Variants in ARHGEF18 observed in about 807,000 individuals in gnomAD.
ARHGEF18 encodes the protein rho guanine nucleotide exchange factor 18.
In ARHGEF18, 93 loss-of-function variants were observed where a neutral mutation model predicts 155.7. That is an observed-to-expected ratio of 0.60 (90% CI 0.50 to 0.71). The LOEUF (loss-of-function observed/expected upper bound fraction) is 0.71. Ranked by LOEUF, ARHGEF18 falls within the 30% of genes least tolerant of loss-of-function variation. The pLI is 0.00. For synonymous variants in ARHGEF18, 742 were observed against 753.1 expected (o/e 0.99, Z 0.24); for missense variants, 1,593 against 1,816.1 (o/e 0.88, Z 2.23).
intron 10 of ARHGEF18, among the ~76,000 whole-genome samples, chr19:7,414,584 G>T (rs1342346692): frequency 2.0e-5 from 3 of 152,042 alleles, no homozygotes; most frequent in Non-Finnish European, 4.4e-5. Context: ...GCTGAGGCAG[G>T]CGGATCACAA....
rs902391248 is a variant in ARHGEF18 at position 7,471,998 on chromosome 19, G to C, written c.*1700G>C. 1.3e-5 allele frequency: 2 copies of C among 150,976 alleles called. No homozygotes were observed. Among genetic ancestry groups the C allele is most frequent in the Non-Finnish European group, 2.9e-5 (2 of 67,896 alleles). 9.4% of individuals were successfully genotyped at this position (150,976 alleles called of 1,614,324 possible). A position where few individuals can be genotyped will look rare whatever the true frequency, so the allele number is the denominator to read the frequency against. ...GTTTTGTATTTTTGTACTGAGTATC[G>C]GAGCACTTTACAGAAGCTGACTGTA... is the stretch of plus-strand genomic sequence containing the variant. On this transcript the variant is annotated 3_prime_UTR_variant, in exon 29 of 29. Coordinates refer to ENST00000668164, the MANE Select transcript of ARHGEF18 (RefSeq NM_001367823.1). This position sits in a 1 kb window ranked among gnomAD's most constrained non-coding sequence, Gnocchi z 4.4.
chr19:7,449,829 C>T (rs561207261), intron 15 of ARHGEF18, among the ~76,000 whole-genome samples: 1 of 152,170 alleles, frequency 6.6e-6, no homozygotes, highest in African/African-American at 2.4e-5. Flanking sequence ...AGGAGTGTGC[C>T]ACCATGCCCA....
chr19:7,457,565 G>C (rs1357370130), intron 18 of ARHGEF18, among the ~76,000 whole-genome samples: 2 of 151,776 alleles, frequency 1.3e-5, no homozygotes, highest in Non-Finnish European at 2.9e-5. Flanking sequence ...GTTTCACCAT[G>C]TTGGCCAGGC....
intron 10 of ARHGEF18, among the ~76,000 whole-genome samples, chr19:7,417,580 C>G (rs1424542768): frequency 2.6e-5 from 4 of 152,086 alleles, no homozygotes; most frequent in African/African-American, 9.7e-5. Context: ...GCCTGTAATC[C>G]CAGCTACTCG....
At chr19:7,363,640 A>C (rs1313396283) in intron 2 of ARHGEF18, among the ~76,000 whole-genome samples, 1 of 151,446 alleles carries the variant, frequency 6.6e-6, no homozygotes, top group African/African-American at 2.4e-5. Context: ...GATAAATGAA[A>C]GAATGAAGGA....
chr19:7,469,864 G>A (rs776136458), intron 27 of ARHGEF18, 40 bp from the exon 28 acceptor site: 1 of 1,602,580 alleles, frequency 6.2e-7, no homozygotes, highest in Non-Finnish European at 8.5e-7. Context: ...GGGGACAGCT[G>A]GCCAGCCTGG....
chr19:7,422,925 G>T (rs1184241686), intron 10 of ARHGEF18, among the ~76,000 whole-genome samples: 1 of 151,976 alleles, frequency 6.6e-6, no homozygotes, highest in Non-Finnish European at 1.5e-5. Flanking sequence ...CACCATGTTG[G>T]CCAGGCTGAT....
At position 7,368,231 on chromosome 19, in the gene ARHGEF18, G is replaced by A. The variant is rs191867169; in HGVS notation, c.16-4581G>A. Among the ~76,000 whole-genome samples the A allele has an allele frequency of 5.9e-4, 90 of 152,128 alleles. No homozygotes were observed. In the East Asian group the frequency reaches 0.015, roughly 25 times the overall value. On this transcript the variant is annotated intron_variant, in intron 2 of 28. Transcript: ENST00000668164. ...GTATTCATGTACTATGCAAAACTGT[G>A]CGTGGTGAGCCTTTCTGAAGAGTGG... is the stretch of plus-strand genomic sequence containing the variant.
At position 7,458,675 on chromosome 19, in the gene ARHGEF18, A is replaced by C; in HGVS notation, c.2345A>C (p.Gln782Pro). 1 of 1,613,444 alleles carries C rather than the reference A, an allele frequency of 6.2e-7. No homozygotes were observed. The highest frequency in any genetic ancestry group is 8.5e-7 in the Non-Finnish European group (1 of 1,179,702). ...AGGAACGCCTGGATGGCCCACATCCAAAGGGCTGTGGAGAGGTGAGGAGGG... is the reference window on the plus strand; with the variant it reads ...AGGAACGCCTGGATGGCCCACATCCCAAGGGCTGTGGAGAGGTGAGGAGGG... ...EDRNAWMAHI[Q>P]RAVESCPDEE... The change falls in exon 19 of 29, where the codon CAA (glutamine) becomes CCA (proline). Residue 782 changes from glutamine to proline, a missense_variant. Transcript: ENST00000668164.
chr19:7,441,783 C>A lies in ARHGEF18; in HGVS notation c.1219+18C>A, dbSNP rs776363756. 2.9e-5 allele frequency: 47 copies of A among 1,613,174 alleles called. No homozygotes were observed. The African/African-American group carries it at 3.9e-4, about 13-fold the overall frequency. ...TGTAGAAGGTATGGTCATCTCCGCTCTCTCGCGGCTGCCACACAGTTCCTG... is the reference window on the plus strand; with the variant it reads ...TGTAGAAGGTATGGTCATCTCCGCTATCTCGCGGCTGCCACACAGTTCCTG... On this transcript the variant is annotated intron_variant, in intron 12 of 28. Transcript: ENST00000668164.
At chr19:7,422,716 C>CTTTTTTTT (rs67634093) in intron 10 of ARHGEF18, among the ~76,000 whole-genome samples, 1 of 111,228 alleles carries the variant, frequency 9.0e-6, no homozygotes, top group Non-Finnish European at 1.8e-5. Context: ...TCTAACTTTT[C>CTTTTTTTT]TTTTTTTTTT....
intron 10 of ARHGEF18, among the ~76,000 whole-genome samples, chr19:7,419,934 G>A (rs184755748): frequency 2.3e-3 from 353 of 151,374 alleles, no homozygotes; most frequent in African/African-American, 8.2e-3. Flanking sequence ...CTCGGCCTCT[G>A]TACCCCAGGT....
At chr19:7,393,903 G>A (rs1012455106) in intron 10 of ARHGEF18, among the ~76,000 whole-genome samples, 4 of 150,682 alleles carry the variant, frequency 2.7e-5, no homozygotes, top group African/African-American at 4.9e-5. Context: ...GCACCTGCCT[G>A]GGTGCCTGTG....
At position 7,444,148 on chromosome 19, in the gene ARHGEF18, G is replaced by A; in HGVS notation, c.1361-56G>A. On this transcript the variant is annotated intron_variant, in intron 13 of 28. Transcript: ENST00000668164. The surrounding 1 kb of genome is among the most constrained non-coding windows in gnomAD (Gnocchi z 4.7). ...TGAAGGGCAGGCAGCACCCACGACT[G>A]CCCAGCGGGGCCGTGGAGCCAGCAT... 1 of 1,591,560 alleles carries A rather than the reference G, an allele frequency of 6.3e-7. No individual in the cohort carries two copies. The highest frequency in any genetic ancestry group is 8.6e-7 in the Non-Finnish European group (1 of 1,166,190).
chr19:7,408,400 T>G (rs574472041), intron 10 of ARHGEF18, among the ~76,000 whole-genome samples: 5 of 152,234 alleles, frequency 3.3e-5, no homozygotes, highest in Non-Finnish European at 7.3e-5. Context: ...GTGGCCGTGT[T>G]CTGATAAAAT....
intron 10 of ARHGEF18, among the ~76,000 whole-genome samples, chr19:7,385,870 T>TC (rs1279086371): frequency 1.7e-4 from 5 of 29,566 alleles, no homozygotes; most frequent in African/African-American, 7.6e-4. Flanking sequence ...TCTCTCTCTC[T>TC]CCCCCCTCCC....
chr19:7,472,689 TTC>T (rs931649753), downstream of ARHGEF18: 2 of 291,294 alleles, frequency 6.9e-6, no homozygotes, highest in Admixed American at 4.7e-5. Flanking sequence ...TTGTTTTTGT[TTC>T]TGTTTTTTTG....
chr19:7,396,620 CAG>C (rs1254379540), intron 10 of ARHGEF18, among the ~76,000 whole-genome samples: 9 of 151,736 alleles, frequency 5.9e-5, no homozygotes, highest in Admixed American at 2.6e-4. Context: ...GAGGCTGAGG[CAG>C]GGGAATCACT....
At chr19:7,384,186 T>C (rs1422504584) in intron 10 of ARHGEF18, among the ~76,000 whole-genome samples, 1 of 152,166 alleles carries the variant, frequency 6.6e-6, no homozygotes, top group Non-Finnish European at 1.5e-5. Flanking sequence ...GGCCAGGTGA[T>C]TCTTTGTTCT....
Sources: gnomAD v4.1 joint callset for allele counts (sites outside exome capture counted in the v4.1 genomes callset) on GRCh38, gnomAD v4.1.1 for gene constraint, Gnocchi (gnomAD v3.1) non-coding constraint, MANE v1.5 for transcripts, NCBI Gene and HGNC (gene_info 2026-07-23, HGNC 2026-07-21) for gene names.